The following TTC39B variants were observed in gnomAD, a reference collection of about 807,000 sequenced individuals.
TTC39B encodes tetratricopeptide repeat protein 39B.
Under a neutral mutation model 96.6 loss-of-function variants are expected in TTC39B, and 92 were observed. That is an observed-to-expected ratio of 0.95 (90% CI 0.80 to 1.13). The LOEUF is 1.13. Ranked by LOEUF, TTC39B falls within the 50% of genes most tolerant of loss-of-function variation. The pLI is 0.00. For missense variants in TTC39B, 955 were observed against 809.3 expected (o/e 1.18, Z -2.18); for synonymous variants, 367 against 299.4 (o/e 1.23, Z -2.33).
At chr9:15,293,592 A>G (rs555113323) in intron 1 of TTC39B, among the ~76,000 whole-genome samples, 13 of 152,260 alleles carry the variant, frequency 8.5e-5, no homozygotes, top group African/African-American at 3.1e-4. Context: ...GGTGAGACAC[A>G]GGGATGTGCA....
Position 15,273,403 on chromosome 9 carries a change from G to A in TTC39B, c.241-5455C>T, listed in dbSNP as rs572836294. On this transcript the variant is annotated intron_variant, in intron 1 of 19. Transcript: ENST00000512701. The stretch of plus-strand genomic sequence containing the variant: ...AGGAAGTAACATGACAAAAAATAAC[G>A]CCAGGTACTGTAAATCCACAAAGCT... 5.9e-5 allele frequency among the ~76,000 whole-genome samples: 9 copies of A among 152,200 alleles called. No individual in the cohort carries two copies. The South Asian group carries it at 1.2e-3, about 21-fold the overall frequency.
chr9:15,251,195 C>CA (rs1473361471), intron 2 of TTC39B, among the ~76,000 whole-genome samples: 2 of 151,360 alleles, frequency 1.3e-5, no homozygotes, highest in Non-Finnish European at 2.9e-5. Context: ...GACTCCATCT[C>CA]AAAAAAACAA....
intron 2 of TTC39B, among the ~76,000 whole-genome samples, chr9:15,236,300 C>G (rs1000209963): frequency 6.6e-6 from 1 of 152,174 alleles, no homozygotes; most frequent in African/African-American, 2.4e-5. Context: ...GCAACCAATA[C>G]TGGGGCACCC....
intron 2 of TTC39B, among the ~76,000 whole-genome samples, chr9:15,243,307 T>C (rs1822128087): frequency 6.6e-6 from 1 of 152,244 alleles, no homozygotes; most frequent in South Asian, 2.1e-4. Flanking sequence ...GAACAGATGA[T>C]GTAATTTTTA....
At chr9:15,284,361 C>T (rs1029265761) in intron 1 of TTC39B, among the ~76,000 whole-genome samples, 16 of 152,308 alleles carry the variant, frequency 1.1e-4, no homozygotes, top group African/African-American at 3.8e-4. Context: ...CATACATTGA[C>T]ACAGCAATAC....
chr9:15,175,078 T>A (rs148413427), exon 19 of TTC39B: 1 of 1,613,774 alleles, frequency 6.2e-7, no homozygotes, highest in Non-Finnish European at 8.5e-7. Flanking sequence ...TATACAAAGA[T>A]GCCAATTCAA....
chr9:15,264,280 A>G (rs1283200833), intron 2 of TTC39B, among the ~76,000 whole-genome samples: 2 of 152,308 alleles, frequency 1.3e-5, no homozygotes, highest in East Asian at 3.9e-4. Context: ...GATTATAGTT[A>G]ATAAGAAATA....
At chr9:15,298,247 C>T (rs1457967349) in intron 1 of TTC39B, among the ~76,000 whole-genome samples, 2 of 152,184 alleles carry the variant, frequency 1.3e-5, no homozygotes. Flanking sequence ...CCATCAGCTT[C>T]CATGGTTTTG....
intron 18 of TTC39B, among the ~76,000 whole-genome samples, chr9:15,176,190 C>T (rs1029540651): frequency 4.6e-5 from 7 of 152,146 alleles, no homozygotes; most frequent in African/African-American, 1.7e-4. Context: ...TTCAGTATAG[C>T]CTCATGGGAA....
chr9:15,264,866 G>A (rs887799811), intron 2 of TTC39B, among the ~76,000 whole-genome samples: 3 of 151,858 alleles, frequency 2.0e-5, no homozygotes, highest in African/African-American at 7.3e-5. Flanking sequence ...TCCATCACAG[G>A]AGTCATTTTG....
Position 15,190,666 on chromosome 9 carries a change from T to A in TTC39B, c.997-4A>T. The A allele has an allele frequency of 6.2e-7, 1 of 1,611,160 alleles. No individual in the cohort carries two copies. Among genetic ancestry groups the A allele is most frequent in the African/African-American group, 1.3e-5 (1 of 74,722 alleles). ...GTAACTGCAGGAGGCCCAACTCCTA[T>A]GGGAATTAAATGCATTTTTAGAAAG... On this transcript the variant is annotated splice_polypyrimidine_tract_variant and splice_region_variant and intron_variant, in intron 10 of 19. Transcript: ENST00000512701.
chr9:15,192,841 T>A (rs1818937048), intron 8 of TTC39B, 146 bp from the exon 9 acceptor site: 1 of 601,310 alleles, frequency 1.7e-6, no homozygotes, highest in Admixed American at 2.9e-5. Flanking sequence ...TGTGCTGAGT[T>A]TACTCTTAAG....
intron 7 of TTC39B, among the ~76,000 whole-genome samples, chr9:15,201,627 G>A (rs2131309849): frequency 6.6e-6 from 1 of 152,308 alleles, no homozygotes; most frequent in Admixed American, 6.5e-5. Flanking sequence ...GGCCATGTGT[G>A]CATATGTAAT....
intron 4 of TTC39B, among the ~76,000 whole-genome samples, chr9:15,212,337 G>T (rs1820251856): frequency 6.7e-6 from 1 of 149,598 alleles, no homozygotes; most frequent in Admixed American, 6.7e-5. Context: ...CATTAATTGT[G>T]GTTTCAAACC....
chr9:15,187,883 C>G, intron 14 of TTC39B, 88 bp downstream of exon 14: 1 of 1,346,876 alleles, frequency 7.4e-7, no homozygotes. Flanking sequence ...ACTGTGGTAT[C>G]ATACTACTGA....
chr9:15,227,306 C>T (rs1436882670), intron 2 of TTC39B, among the ~76,000 whole-genome samples: 5 of 141,590 alleles, frequency 3.5e-5, no homozygotes, highest in Non-Finnish European at 6.0e-5. Context: ...AAAACTCCAT[C>T]TCAAAAAAAA....
intron 15 of TTC39B, 127 bp from the exon 16 acceptor site, chr9:15,185,533 T>C (rs1818476250): frequency 7.6e-6 from 11 of 1,446,348 alleles, no homozygotes; most frequent in South Asian, 4.1e-5. Context: ...GGGAACCTAT[T>C]TGAAATGCCA....
At chr9:15,287,945 CAAAAAAAAAAAAAA>C (rs762069142) in intron 1 of TTC39B, among the ~76,000 whole-genome samples, 1 of 68,950 alleles carries the variant, frequency 1.5e-5, no homozygotes, top group East Asian at 4.6e-4. Context: ...GACTCCATCT[CAAAAAAAAAAAAAA>C]AAAAAAAAAA....
chr9:15,174,799 A>G (rs1259223552), intron 19 of TTC39B, among the ~76,000 whole-genome samples: 3 of 152,234 alleles, frequency 2.0e-5, no homozygotes, highest in Non-Finnish European at 4.4e-5. Flanking sequence ...GCCCATAATC[A>G]TATCTGTAAA....
Sources: gnomAD v4.1 joint callset for allele counts (sites outside exome capture counted in the v4.1 genomes callset) on GRCh38, gnomAD v4.1.1 for gene constraint, MANE v1.5 for transcripts, NCBI Gene and HGNC (gene_info 2026-07-23, HGNC 2026-07-21) for gene names.